The following WDFY3 variants were observed in gnomAD, a reference collection of about 807,000 sequenced individuals.
WDFY3 encodes the protein WD repeat and FYVE domain containing 3.
Under a neutral mutation model 409.6 loss-of-function variants are expected in WDFY3, and 66 were observed. That is an observed-to-expected ratio of 0.16 (90% confidence interval 0.13 to 0.20). The LOEUF (loss-of-function observed/expected upper bound fraction) is 0.20. WDFY3 is among the 10% of genes least tolerant of loss of function. The pLI is 1.00. For synonymous variants in WDFY3, 1,521 were observed against 1,537.1 expected, an observed-to-expected ratio of 0.99 and a Z score of 0.25; for missense variants, 3,031 against 4,298.1, an observed-to-expected ratio of 0.71 and a Z score of 8.24.
chr4:84,676,570 C>A, intron 67 of WDFY3, among the ~76,000 whole-genome samples: 1 of 148,972 alleles, frequency 6.7e-6, no homozygotes, highest in African/African-American at 2.5e-5. Flanking sequence ...TGCATTGTAG[C>A]ATTATTTATA....
chr4:84,729,540 C>A (rs367976869), intron 44 of WDFY3, among the ~76,000 whole-genome samples: 1 of 151,640 alleles, frequency 6.6e-6, no homozygotes, highest in Non-Finnish European at 1.5e-5. Context: ...AAACTATTAA[C>A]GCTTTAAAGT....
At chr4:84,956,297 C>A (rs1336475829) in intron 1 of WDFY3, among the ~76,000 whole-genome samples, 3 of 152,134 alleles carry the variant, frequency 2.0e-5, no homozygotes, top group Non-Finnish European at 4.4e-5. Flanking sequence ...GCTTAAGAAA[C>A]TGAAGAAAGC....
chr4:84,897,769 A>G (rs979123794), intron 2 of WDFY3, among the ~76,000 whole-genome samples: 4 of 152,174 alleles, frequency 2.6e-5, no homozygotes, highest in African/African-American at 9.7e-5. Flanking sequence ...TTCACCTCAC[A>G]TTTTCTGAAC....
intron 1 of WDFY3, among the ~76,000 whole-genome samples, chr4:84,959,559 C>G (rs186712734): frequency 2.0e-5 from 3 of 152,052 alleles, no homozygotes; most frequent in Non-Finnish European, 4.4e-5. Flanking sequence ...AAATGTGAGA[C>G]GTGAGGAAGA....
chr4:84,872,345 G>A (rs987373070), intron 3 of WDFY3, among the ~76,000 whole-genome samples: 20 of 151,698 alleles, frequency 1.3e-4, no homozygotes, highest in African/African-American at 4.8e-4. Flanking sequence ...GGCGCCTATG[G>A]TCCCAGCTAC....
chr4:84,930,964 A>G (rs1181012495), intron 2 of WDFY3, among the ~76,000 whole-genome samples: 1 of 152,236 alleles, frequency 6.6e-6, no homozygotes, highest in Non-Finnish European at 1.5e-5. Flanking sequence ...CCACATTCAC[A>G]TAACTTTCAC....
intron 66 of WDFY3, among the ~76,000 whole-genome samples, chr4:84,677,923 C>T (rs373337623): frequency 2.1e-5 from 3 of 145,080 alleles, no homozygotes; most frequent in East Asian, 4.0e-4. Flanking sequence ...TGATTGTGCC[C>T]CTGACTCTAG....
intron 21 of WDFY3, 113 bp from the exon 22 acceptor site, chr4:84,790,020 G>A: frequency 8.8e-7 from 1 of 1,140,332 alleles, no homozygotes; most frequent in Non-Finnish European, 1.2e-6. Context: ...TAATGATGCA[G>A]ACTGATTTGA....
chr4:84,721,049 T>A (rs1174067269), intron 47 of WDFY3, among the ~76,000 whole-genome samples: 1 of 152,168 alleles, frequency 6.6e-6, no homozygotes, highest in Non-Finnish European at 1.5e-5. Flanking sequence ...AAGCCGCTTG[T>A]AGGTTATTAC....
chr4:84,859,580 T>C (rs535103447), intron 4 of WDFY3, among the ~76,000 whole-genome samples: 3 of 152,258 alleles, frequency 2.0e-5, no homozygotes, highest in Admixed American at 6.5e-5. Context: ...AAGTTATTAT[T>C]ATTATTATTT....
chr4:84,897,907 T>C (rs972101965), intron 2 of WDFY3, among the ~76,000 whole-genome samples: 4 of 152,196 alleles, frequency 2.6e-5, no homozygotes, highest in African/African-American at 9.7e-5. Flanking sequence ...ATAACAACTA[T>C]TAAAATTTAA....
rs1324709738 is a variant in WDFY3 at position 84,671,875 on chromosome 4, CA to C, written c.*992del. 1.3e-5 allele frequency: 2 copies of C among 152,358 alleles called. No homozygotes were observed. The highest frequency in any genetic ancestry group is 2.9e-5 in the Non-Finnish European group (2 of 68,014). 9.4% of individuals were successfully genotyped at this position (152,358 alleles called of 1,614,324 possible). On this transcript the variant is annotated 3_prime_UTR_variant, in exon 68 of 68. Transcript: ENST00000295888. ...AGCTATAGTAGAACATTAGTGTCAC[CA>C]AAGACACATACTTATTATGTTCTAT...
At chr4:84,931,533 C>A (rs1770763681) in intron 2 of WDFY3, among the ~76,000 whole-genome samples, 1 of 152,116 alleles carries the variant, frequency 6.6e-6, no homozygotes, top group Non-Finnish European at 1.5e-5. Context: ...AGAGAAGAGA[C>A]ACTCTGCTGA....
chr4:84,766,521 G>T, intron 30 of WDFY3, 149 bp from the exon 31 acceptor site: 1 of 729,058 alleles, frequency 1.4e-6, no homozygotes. Flanking sequence ...CAAGAAAAAG[G>T]GTCAGTTAAA....
intron 4 of WDFY3, among the ~76,000 whole-genome samples, chr4:84,852,881 C>T (rs1479312478): frequency 6.6e-6 from 1 of 151,964 alleles, no homozygotes; most frequent in Admixed American, 6.6e-5. Context: ...CCTCAGCCTC[C>T]TGAGTAGCTA....
At chr4:84,796,215 T>TG (rs368997452) in intron 19 of WDFY3, among the ~76,000 whole-genome samples, 2 of 151,486 alleles carry the variant, frequency 1.3e-5, no homozygotes, top group Non-Finnish European at 2.9e-5. Flanking sequence ...TGAGTGTGGC[T>TG]GTTTTCCAAT....
intron 3 of WDFY3, among the ~76,000 whole-genome samples, chr4:84,862,506 T>C (rs767983125): frequency 9.9e-5 from 15 of 152,198 alleles, no homozygotes; most frequent in Non-Finnish European, 1.9e-4. Flanking sequence ...TGTGCTGGTA[T>C]TTACAGTCCT....
chr4:84,893,703 T>C (rs1179654810), intron 3 of WDFY3, among the ~76,000 whole-genome samples: 1 of 152,172 alleles, frequency 6.6e-6, no homozygotes, highest in Non-Finnish European at 1.5e-5. Context: ...GTTTAAAAAA[T>C]AGGCTGGGCA....
At chr4:84,899,319 A>C (rs1025766203) in intron 2 of WDFY3, among the ~76,000 whole-genome samples, 2 of 152,246 alleles carry the variant, frequency 1.3e-5, no homozygotes, top group Non-Finnish European at 2.9e-5. Context: ...GTGTAAGACA[A>C]GACCAAAGCC....
Sources: gnomAD v4.1 joint callset for allele counts (sites outside exome capture counted in the v4.1 genomes callset) on GRCh38, gnomAD v4.1.1 for gene constraint, MANE v1.5 for transcripts, NCBI Gene and HGNC (gene_info 2026-07-23, HGNC 2026-07-21) for gene names.